SPAG16: variants seen among roughly 807,000 people sequenced by gnomAD.
SPAG16 encodes the protein sperm associated antigen 16, also known as sperm-associated antigen 16 protein.
In SPAG16, 86 loss-of-function variants were observed where a neutral mutation model predicts 80.4. The observed-to-expected ratio is 1.07, with a 90% confidence interval of 0.90 to 1.28. The LOEUF (loss-of-function observed/expected upper bound fraction) is 1.28. SPAG16 is among the 50% of genes most tolerant of loss of function. SPAG16 has a pLI of 0.00. For missense variants in SPAG16, 870 were observed against 765.3 expected, an observed-to-expected ratio of 1.14 and a Z score of -1.61; for synonymous variants, 294 against 265.9, an observed-to-expected ratio of 1.11 and a Z score of -1.03.
chr2:213,681,019 G>C (rs2064349975), intron 10 of SPAG16, among the ~76,000 whole-genome samples: 1 of 152,130 alleles, frequency 6.6e-6, no homozygotes, highest in Non-Finnish European at 1.5e-5. Context: ...TGGTGCAGAG[G>C]AATCTCTCAG....
At position 214,110,822 on chromosome 2, in the gene SPAG16, A is replaced by C. The variant is rs141764192; in HGVS notation, c.1593+2561A>C. ...TGTTGTTTCCTGTTTAATGATTGCC[A>C]TTCTAACTGGTGTGAGATGGTATCT... On this transcript the variant is annotated intron_variant, in intron 14 of 15. Coordinates refer to ENST00000331683, the MANE Select transcript of SPAG16 (RefSeq NM_024532.5). Among the ~76,000 whole-genome samples the C allele has an allele frequency of 7.0e-3, 1,062 of 152,296 alleles. 16 individuals carry two copies. The highest frequency in any genetic ancestry group is 0.024 in the African/African-American group (994 of 41,566).
chr2:213,624,793 G>A (rs908773998), intron 10 of SPAG16, among the ~76,000 whole-genome samples: 4 of 152,046 alleles, frequency 2.6e-5, no homozygotes, highest in African/African-American at 9.7e-5. Flanking sequence ...CTTTGTCTCA[G>A]GTTTTTGTTT....
At chr2:214,200,183 T>G (rs1035084185) in intron 15 of SPAG16, among the ~76,000 whole-genome samples, 1 of 152,130 alleles carries the variant, frequency 6.6e-6, no homozygotes, top group Non-Finnish European at 1.5e-5. Context: ...GGGGAAATGT[T>G]TTTAACTTTT....
intron 12 of SPAG16, among the ~76,000 whole-genome samples, chr2:213,972,946 G>C (rs566223315): frequency 6.6e-6 from 1 of 152,056 alleles, no homozygotes; most frequent in South Asian, 2.1e-4. Context: ...CTAGTGTTTT[G>C]ATATAGATTT....
chr2:214,061,287 C>G (rs2050244430), intron 13 of SPAG16, among the ~76,000 whole-genome samples: 1 of 152,080 alleles, frequency 6.6e-6, no homozygotes, highest in Non-Finnish European at 1.5e-5. Context: ...GTGTTATAAC[C>G]AGACAGATTG....
At chr2:213,975,358 T>C (rs888756733) in intron 12 of SPAG16, among the ~76,000 whole-genome samples, 3 of 151,554 alleles carry the variant, frequency 2.0e-5, no homozygotes, top group African/African-American at 7.2e-5. Flanking sequence ...CAATTTTCAC[T>C]AACACAAAAC....
intron 7 of SPAG16, among the ~76,000 whole-genome samples, chr2:213,355,538 A>G (rs1166107026): frequency 6.6e-6 from 1 of 152,000 alleles, no homozygotes; most frequent in Non-Finnish European, 1.5e-5. Context: ...CTTTTATTTC[A>G]TTGAGCAGTG....
At position 213,483,368 on chromosome 2, in the gene SPAG16, T is replaced by A. The variant is rs192248066; in HGVS notation, c.943-6595T>A. Among the ~76,000 whole-genome samples, 537 of 152,358 alleles carry A rather than the reference T, an allele frequency of 3.5e-3. 5 individuals carry two copies. Among genetic ancestry groups the A allele is most frequent in the Non-Finnish European group, 5.0e-3 (338 of 68,034 alleles). On this transcript the variant is annotated intron_variant, in intron 9 of 15. Coordinates refer to ENST00000331683, the MANE Select transcript of SPAG16 (RefSeq NM_024532.5). ...GTCATTATTTAACATAATTGATACA[T>A]ATTGCCAAATTTCTTTCTAGAAAGT... is the stretch of plus-strand genomic sequence containing the variant.
At chr2:214,063,531 TA>T (rs1365291088) in intron 13 of SPAG16, among the ~76,000 whole-genome samples, 1 of 152,118 alleles carries the variant, frequency 6.6e-6, no homozygotes, top group Non-Finnish European at 1.5e-5. Flanking sequence ...CCAGCTTTTT[TA>T]TCAGGTCACT....
intron 15 of SPAG16, among the ~76,000 whole-genome samples, chr2:214,396,477 T>G (rs986509670): frequency 6.6e-6 from 1 of 152,160 alleles, no homozygotes; most frequent in African/African-American, 2.4e-5. Flanking sequence ...ATTAATATTT[T>G]TTAATGTTTT....
At chr2:214,094,090 A>T (rs141344228) in intron 13 of SPAG16, among the ~76,000 whole-genome samples, 1,739 of 152,206 alleles carry the variant, frequency 0.011, 21 homozygotes, top group Non-Finnish European at 0.018. Flanking sequence ...CTGATTTGTG[A>T]AAGCAGAATA....
intron 12 of SPAG16, among the ~76,000 whole-genome samples, chr2:214,002,703 G>A (rs962679845): frequency 6.6e-6 from 1 of 152,148 alleles, no homozygotes; most frequent in Non-Finnish European, 1.5e-5. Flanking sequence ...AGAACCAGGA[G>A]CTCTGATATC....
At chr2:214,164,658 G>A (rs756347544) in intron 15 of SPAG16, among the ~76,000 whole-genome samples, 3 of 152,162 alleles carry the variant, frequency 2.0e-5, no homozygotes, top group African/African-American at 7.2e-5. Context: ...TACATTTGAT[G>A]GGGTATAGGT....
chr2:213,530,393 G>A (rs2076028247), intron 10 of SPAG16, among the ~76,000 whole-genome samples: 1 of 152,086 alleles, frequency 6.6e-6, no homozygotes. Flanking sequence ...AATCTTATGG[G>A]ACCACCATAG....
chr2:213,504,062 T>G (rs1473115214), intron 10 of SPAG16, among the ~76,000 whole-genome samples: 1 of 152,186 alleles, frequency 6.6e-6, no homozygotes, highest in African/African-American at 2.4e-5. Context: ...TGTGAGTTAT[T>G]GCTGGTCTGG....
At chr2:213,334,892 C>T (rs1044016740) in intron 5 of SPAG16, among the ~76,000 whole-genome samples, 1 of 152,026 alleles carries the variant, frequency 6.6e-6, no homozygotes, top group Non-Finnish European at 1.5e-5. Flanking sequence ...TATTTGTTAG[C>T]ACAATAGGGT....
At chr2:213,416,124 TAAG>T (rs2069240712) in intron 9 of SPAG16, among the ~76,000 whole-genome samples, 1 of 152,192 alleles carries the variant, frequency 6.6e-6, no homozygotes, top group Non-Finnish European at 1.5e-5. Context: ...CCCATGGCTG[TAAG>T]AAGGAATCAA....
chr2:214,013,881 T>A, intron 12 of SPAG16, 70 bp from the exon 13 acceptor site: 1 of 1,449,578 alleles, frequency 6.9e-7, no homozygotes, highest in Non-Finnish European at 9.2e-7. Context: ...GTTCCTTAAA[T>A]TATTTTTATT....
At chr2:213,948,536 G>A (rs2079569040) in intron 12 of SPAG16, among the ~76,000 whole-genome samples, 1 of 152,056 alleles carries the variant, frequency 6.6e-6, no homozygotes, top group Non-Finnish European at 1.5e-5. Flanking sequence ...CTTTGCTGGT[G>A]GTTTAGGAAT....
Sources: gnomAD v4.1 joint callset for allele counts (sites outside exome capture counted in the v4.1 genomes callset) on GRCh38, gnomAD v4.1.1 for gene constraint, MANE v1.5 for transcripts, NCBI Gene and HGNC (gene_info 2026-07-23, HGNC 2026-07-21) for gene names.